Variants in ZNF678 observed in about 807,000 individuals in gnomAD.
The protein encoded by ZNF678 is zinc finger protein 678.
A neutral mutation model predicts 3.0 loss-of-function variants in ZNF678; 5 were observed. The observed-to-expected ratio is 1.69, with a 90% CI of 0.88 to 3.56. The LOEUF is 3.56. ZNF678 is among the 30% of genes most tolerant of loss of function. ZNF678 has a pLI of 0.00. For missense variants in ZNF678, 593 were observed against 605.0 expected (o/e 0.98, Z 0.21); for synonymous variants, 218 against 199.6 (o/e 1.09, Z -0.78).
intron 1 of ZNF678, among the ~76,000 whole-genome samples, chr1:227,590,773 A>T (rs1657392619): frequency 6.6e-6 from 1 of 151,808 alleles, no homozygotes; most frequent in Admixed American, 6.6e-5. Flanking sequence ...GTCCAGTCCC[A>T]GTGGAATTCT....
intron 1 of ZNF678, among the ~76,000 whole-genome samples, chr1:227,578,914 TTTC>T (rs1451726025): frequency 2.6e-5 from 4 of 152,176 alleles, no homozygotes; most frequent in African/African-American, 7.2e-5. Flanking sequence ...TTGGATGCGC[TTTC>T]TTCTTCTTCT....
Position 227,655,083 on chromosome 1 carries a change from C to G in ZNF678, c.833C>G (p.Ser278Ter). 1 of 1,612,352 alleles carries G rather than the reference C, an allele frequency of 6.2e-7. No homozygotes were observed. The highest frequency in any genetic ancestry group is 1.3e-5 in the African/African-American group (1 of 74,964). Residue 278 changes from serine (S) to a stop codon, truncating the protein, a stop_gained, in exon 4 of 4, where the codon TCA becomes TGA. Coordinates refer to ENST00000343776, the MANE Select transcript of ZNF678 (RefSeq NM_001367909.1). LOFTEE classifies it low-confidence loss of function (END_TRUNC). Reference protein sequence around the residue: ...EECGNVFNECSHLTRHRRIHT... With the variant: ...EECGNVFNEC Reference sequence around the variant, plus strand: ...TGTGGCAACGTTTTTAATGAGTGCTCACACCTAACTAGACATAGGAGAATT... The same window carrying G: ...TGTGGCAACGTTTTTAATGAGTGCTGACACCTAACTAGACATAGGAGAATT...
downstream of ZNF678, among the ~76,000 whole-genome samples, chr1:227,666,933 A>G (rs1267211225): frequency 2.0e-5 from 3 of 150,482 alleles, no homozygotes; most frequent in Non-Finnish European, 3.0e-5. Context: ...TTTAGTAGAG[A>G]TGGGGTTTCA....
At chr1:227,639,443 G>T (rs1216472796) in intron 1 of ZNF678, among the ~76,000 whole-genome samples, 1 of 152,238 alleles carries the variant, frequency 6.6e-6, no homozygotes, top group Non-Finnish European at 1.5e-5. Context: ...AGCTTCTGAA[G>T]CTTGCACCAA....
intron 1 of ZNF678, among the ~76,000 whole-genome samples, chr1:227,607,458 G>C (rs775515643): frequency 8.6e-5 from 13 of 152,006 alleles, no homozygotes; most frequent in Non-Finnish European, 1.9e-4. Flanking sequence ...ATCAAATGAT[G>C]GCTGGCAGCC....
chr1:227,652,593 A>C (rs1186129783), intron 3 of ZNF678, among the ~76,000 whole-genome samples: 1 of 152,090 alleles, frequency 6.6e-6, no homozygotes, highest in African/African-American at 2.4e-5. Flanking sequence ...AGAATCACTA[A>C]AACCCCCAAA....
chr1:227,626,877 G>A (rs1658432706), intron 1 of ZNF678, among the ~76,000 whole-genome samples: 1 of 151,878 alleles, frequency 6.6e-6, no homozygotes, highest in African/African-American at 2.4e-5. Context: ...CCTTGGGGAA[G>A]TCCAAATCTG....
chr1:227,631,895 C>T (rs1380446349), intron 1 of ZNF678, among the ~76,000 whole-genome samples: 2 of 152,242 alleles, frequency 1.3e-5, no homozygotes, highest in Non-Finnish European at 2.9e-5. Context: ...AGGACGTTTG[C>T]TCATTGCCCC....
chr1:227,603,488 C>G (rs1657787173), intron 1 of ZNF678, among the ~76,000 whole-genome samples: 1 of 152,170 alleles, frequency 6.6e-6, no homozygotes, highest in East Asian at 1.9e-4. Flanking sequence ...GGACAGTGTA[C>G]TTGGCAGCCT....
chr1:227,588,182 A>G (rs982583313), intron 1 of ZNF678, among the ~76,000 whole-genome samples: 10 of 152,158 alleles, frequency 6.6e-5, no homozygotes, highest in Admixed American at 1.3e-4. Context: ...TTATGGCTGC[A>G]TAGTATTCCA....
intron 1 of ZNF678, among the ~76,000 whole-genome samples, chr1:227,578,364 C>T (rs912829065): frequency 3.3e-5 from 5 of 152,216 alleles, no homozygotes; most frequent in African/African-American, 1.2e-4. Context: ...CCATTTCCTT[C>T]AGGGACACCA....
At chr1:227,651,596 A>C (rs1196068202) in intron 3 of ZNF678, among the ~76,000 whole-genome samples, 4 of 152,172 alleles carry the variant, frequency 2.6e-5, no homozygotes, top group African/African-American at 9.7e-5. Flanking sequence ...GAATCATGTT[A>C]AATGGGCCAT....
intron 1 of ZNF678, among the ~76,000 whole-genome samples, chr1:227,592,427 T>A (rs999831705): frequency 2.6e-5 from 4 of 152,228 alleles, no homozygotes; most frequent in Non-Finnish European, 1.5e-5. Flanking sequence ...GATAGGCCAC[T>A]GGCCTTGGCC....
chr1:227,627,982 A>G (rs1658458555), intron 1 of ZNF678, among the ~76,000 whole-genome samples: 1 of 152,212 alleles, frequency 6.6e-6, no homozygotes, highest in African/African-American at 2.4e-5. Flanking sequence ...GGGTGGGTTA[A>G]GAGTTGCACA....
intron 1 of ZNF678, among the ~76,000 whole-genome samples, chr1:227,642,672 A>T (rs1175286006): frequency 6.6e-6 from 1 of 151,862 alleles, no homozygotes; most frequent in Non-Finnish European, 1.5e-5. Flanking sequence ...GCCTAGGCTT[A>T]CTGGAACCCC....
chr1:227,652,952 T>C (rs1659125307), intron 3 of ZNF678, among the ~76,000 whole-genome samples: 1 of 152,150 alleles, frequency 6.6e-6, no homozygotes, highest in African/African-American at 2.4e-5. Context: ...GTTGTACTGG[T>C]GATGTAGTTT....
intron 1 of ZNF678, among the ~76,000 whole-genome samples, chr1:227,580,895 A>G (rs549742998): frequency 6.6e-6 from 1 of 151,064 alleles, no homozygotes; most frequent in African/African-American, 2.4e-5. Flanking sequence ...CCGCCTTTGC[A>G]CTCCAGCCTC....
At chr1:227,646,817 T>C (rs1658971480) in intron 2 of ZNF678, 147 bp downstream of exon 2, 7 of 721,324 alleles carry the variant, frequency 9.7e-6, no homozygotes, top group South Asian at 5.5e-5. Context: ...TTTGTTGGTG[T>C]AGAAAATAAA....
chr1:227,580,924 CAAA>C (rs11350768), intron 1 of ZNF678, among the ~76,000 whole-genome samples: 3 of 129,782 alleles, frequency 2.3e-5, no homozygotes, highest in Admixed American at 1.5e-4. Context: ...AACTCCCTCT[CAAA>C]AAAAAAAAAA....
Sources: allele counts gnomAD v4.1 joint callset (sites outside exome capture counted in the v4.1 genomes callset), GRCh38; gene constraint gnomAD v4.1.1; transcripts MANE v1.5; gene names NCBI Gene and HGNC (gene_info 2026-07-23, HGNC 2026-07-21).